SLC3A1: variants seen among roughly 807,000 people sequenced by gnomAD.
SLC3A1 encodes amino acid transporter heavy chain SLC3A1.
In SLC3A1, 78 loss-of-function variants were observed where a neutral mutation model predicts 60.3. The ratio of observed to expected loss-of-function variants is 1.29; its 90% confidence interval spans 1.08 to 1.56. The LOEUF is 1.56. Ranked by LOEUF, SLC3A1 falls within the 40% of genes most tolerant of loss-of-function variation. The probability of loss-of-function intolerance (pLI) is 0.00; values close to 1 mark genes in which losing one functional copy is unlikely to be tolerated. For missense variants in SLC3A1, 1,172 were observed against 858.9 expected (o/e 1.36, Z -4.56); for synonymous variants, 392 against 307.9 (o/e 1.27, Z -2.86).
chr2:44,321,637 C>T (rs75225457), downstream of SLC3A1: 3,901 of 1,495,448 alleles, frequency 2.6e-3, 37 homozygotes, highest in African/African-American at 0.03. Context: ...ACAGAGCTCA[C>T]GTATCAAGTA....
intron 6 of SLC3A1, 106 bp downstream of exon 6, chr2:44,301,233 G>A: frequency 7.2e-7 from 1 of 1,389,910 alleles, no homozygotes; most frequent in South Asian, 1.2e-5. Flanking sequence ...AATGTAACAA[G>A]CCTGCATAAC....
chr2:44,308,500 A>T (rs1432218909), intron 7 of SLC3A1, among the ~76,000 whole-genome samples: 1 of 151,982 alleles, frequency 6.6e-6, no homozygotes, highest in African/African-American at 2.4e-5. Context: ...ATTTCTTTTG[A>T]TGATGTTTTG....
chr2:44,301,370 T>C (rs963185052), intron 6 of SLC3A1: 8 of 608,362 alleles, frequency 1.3e-5, no homozygotes, highest in Non-Finnish European at 1.8e-5. Context: ...CACAGGAGTT[T>C]TGTGAAAATT....
Position 44,312,725 on chromosome 2 carries a change from C to A in SLC3A1, c.1472C>A (p.Ala491Asp). The A allele has an allele frequency of 3.7e-6, 6 of 1,613,336 alleles. No individual in the cohort carries two copies. The highest frequency in any genetic ancestry group is 5.1e-6 in the Non-Finnish European group (6 of 1,179,394). Residue 491 changes from alanine (A) to aspartate (D), a missense_variant, in exon 8 of 10, where the codon GCC (alanine) becomes GAC (aspartate). Ala to Asp is a moderately radical substitution (Grantham distance 126). Coordinates refer to ENST00000260649, the MANE Select transcript of SLC3A1 (RefSeq NM_000341.4). ...GAAATTGGAATGGGAAATATTGTAG[C>A]CGCAAATCTCAATGAAAGCTATGAT... ...GEEIGMGNIVAANLNESYDIN... is the reference protein window; with the variant it reads ...GEEIGMGNIVDANLNESYDIN...
intron 4 of SLC3A1, among the ~76,000 whole-genome samples, chr2:44,297,562 C>A (rs1671885348): frequency 6.6e-6 from 1 of 152,228 alleles, no homozygotes; most frequent in Non-Finnish European, 1.5e-5. Context: ...TGTCTCCTCT[C>A]ATGAGGACCT....
At chr2:44,285,741 A>G in intron 3 of SLC3A1, 1 of 577,324 alleles carries the variant, frequency 1.7e-6, no homozygotes, top group South Asian at 1.5e-5. Flanking sequence ...ATACATTAGT[A>G]ATGTCAGTTC....
chr2:44,282,307 C>G (rs900603687), intron 3 of SLC3A1, among the ~76,000 whole-genome samples: 1 of 152,156 alleles, frequency 6.6e-6, no homozygotes, highest in Non-Finnish European at 1.5e-5. Context: ...TTGTCCCCAC[C>G]TGAACTGAGC....
intron 9 of SLC3A1, 31 bp downstream of exon 9, chr2:44,313,982 C>T (rs1672361518): frequency 6.2e-7 from 1 of 1,613,614 alleles, no homozygotes; most frequent in Non-Finnish European, 8.5e-7. Context: ...TATGTTGATT[C>T]TAGAAACAAA....
chr2:44,321,676 A>G (rs753367234), downstream of SLC3A1: 1 of 1,546,564 alleles, frequency 6.5e-7, no homozygotes, highest in Non-Finnish European at 8.7e-7. Flanking sequence ...CTTGATTGAC[A>G]CAGTGTCCCT....
At chr2:44,317,729 GAAAAA>G (rs1029534284) in intron 9 of SLC3A1, 1 of 151,408 alleles carries the variant, frequency 6.6e-6, no homozygotes, top group African/African-American at 2.4e-5. Flanking sequence ...AATACTAGAA[GAAAAA>G]AATTATACAG....
intron 4 of SLC3A1, among the ~76,000 whole-genome samples, chr2:44,293,804 C>A (rs570976450): frequency 6.6e-6 from 1 of 152,310 alleles, no homozygotes; most frequent in South Asian, 2.1e-4. Context: ...TGCAATTCTG[C>A]TGCCACCACT....
intron 7 of SLC3A1, among the ~76,000 whole-genome samples, chr2:44,306,048 C>G (rs1317621713): frequency 1.3e-5 from 2 of 152,154 alleles, no homozygotes; most frequent in Non-Finnish European, 2.9e-5. Context: ...CCACCTCACA[C>G]GGAGGTGCTC....
intron 9 of SLC3A1, chr2:44,314,284 A>AG (rs1304808395): frequency 7.2e-6 from 4 of 552,202 alleles, no homozygotes; most frequent in African/African-American, 5.7e-5. Flanking sequence ...TCCCCTCAAA[A>AG]GGCAGGGAGA....
intron 7 of SLC3A1, among the ~76,000 whole-genome samples, chr2:44,305,192 A>G (rs1446740045): frequency 6.6e-6 from 1 of 152,080 alleles, no homozygotes; most frequent in Non-Finnish European, 1.5e-5. Flanking sequence ...AGATACAGCA[A>G]TACATACCTG....
At chr2:44,275,996 G>T (rs191198401) in intron 1 of SLC3A1, 31 bp downstream of exon 1, 1 of 1,597,694 alleles carries the variant, frequency 6.3e-7, no homozygotes, top group Admixed American at 1.7e-5. Context: ...TAGGGTGGGT[G>T]CCAGGATGAG....
intron 7 of SLC3A1, among the ~76,000 whole-genome samples, chr2:44,310,352 T>C (rs769798980): frequency 3.9e-5 from 6 of 152,240 alleles, no homozygotes; most frequent in Non-Finnish European, 7.3e-5. Context: ...ATACTCATCA[T>C]AGTACAAATG....
intron 1 of SLC3A1, among the ~76,000 whole-genome samples, chr2:44,280,394 G>A (rs1195483347): frequency 6.6e-6 from 1 of 151,974 alleles, no homozygotes; most frequent in Non-Finnish European, 1.5e-5. Context: ...ATGTGGTACT[G>A]TACCCAGCTA....
chr2:44,298,653 T>A (rs976273421), intron 4 of SLC3A1, among the ~76,000 whole-genome samples: 1 of 152,092 alleles, frequency 6.6e-6, no homozygotes, highest in Non-Finnish European at 1.5e-5. Flanking sequence ...GCTGGGATTA[T>A]AGGCGTGAGC....
At chr2:44,291,906 A>T (rs1671747346) in intron 4 of SLC3A1, among the ~76,000 whole-genome samples, 1 of 152,102 alleles carries the variant, frequency 6.6e-6, no homozygotes, top group Non-Finnish European at 1.5e-5. Flanking sequence ...ACTGGCCATC[A>T]GGGGACTTGG....
Sources: gnomAD v4.1 joint callset for allele counts (sites outside exome capture counted in the v4.1 genomes callset) on GRCh38, gnomAD v4.1.1 for gene constraint, MANE v1.5 for transcripts, NCBI Gene and HGNC (gene_info 2026-07-23, HGNC 2026-07-21) for gene names.